The following LRCH2 variants were observed in gnomAD, a reference collection of about 807,000 sequenced individuals.
LRCH2 encodes the protein leucine rich repeats and calponin homology domain containing 2.
In LRCH2, 38 loss-of-function variants were observed where a neutral mutation model predicts 68.9. The observed-to-expected ratio is 0.55, with a 90% CI of 0.43 to 0.72. The LOEUF is 0.72. Among genes scored for constraint, LRCH2 ranks in the 30% least tolerant of loss-of-function variants. The pLI, the probability that LRCH2 is intolerant of heterozygous loss-of-function variation, is 0.00. For synonymous variants in LRCH2, 191 were observed against 208.1 expected (o/e 0.92, Z 0.71); for missense variants, 528 against 572.9 (o/e 0.92, Z 0.80).
intron 1 of LRCH2, among the ~76,000 whole-genome samples, chrX:115,228,193 T>C (rs1465332164): frequency 4.5e-5 from 5 of 111,805 alleles, no homozygotes; most frequent in African/African-American, 1.3e-4. Flanking sequence ...TAAATTGGCT[T>C]ATACAGTTTT....
At chrX:115,135,957 A>G (rs782514394) in intron 14 of LRCH2, among the ~76,000 whole-genome samples, 2 of 112,167 alleles carry the variant, frequency 1.8e-5, no homozygotes, top group South Asian at 3.7e-4. Flanking sequence ...TGTAAACATA[A>G]CTTTTATGCA....
At chrX:115,174,942 G>A (rs1360103441) in intron 5 of LRCH2, among the ~76,000 whole-genome samples, 2 of 110,715 alleles carry the variant, frequency 1.8e-5, no homozygotes, top group East Asian at 2.8e-4. Flanking sequence ...GGGATTAGGC[G>A]GTTGAAACTT....
intron 1 of LRCH2, among the ~76,000 whole-genome samples, chrX:115,189,181 C>T (rs1427111680): frequency 2.7e-5 from 3 of 112,422 alleles, no homozygotes; most frequent in African/African-American, 9.7e-5. Flanking sequence ...GATTATTTTC[C>T]TCTGGCTTAG....
chrX:115,212,398 T>C (rs1313730303), intron 1 of LRCH2, among the ~76,000 whole-genome samples: 2 of 112,524 alleles, frequency 1.8e-5, no homozygotes, highest in Admixed American at 1.9e-4. Flanking sequence ...ATCTTTATTT[T>C]ATTCAACATT....
intron 12 of LRCH2, among the ~76,000 whole-genome samples, chrX:115,150,413 A>G (rs962022156): frequency 4.5e-5 from 5 of 111,369 alleles, no homozygotes; most frequent in Admixed American, 1.9e-4. Flanking sequence ...CAAAGACTAA[A>G]AAAAACTAAT....
At chrX:115,200,340 A>C (rs2147342736) in intron 1 of LRCH2, among the ~76,000 whole-genome samples, 1 of 111,833 alleles carries the variant, frequency 8.9e-6, no homozygotes, top group East Asian at 2.8e-4. Context: ...TTAAAAAAAC[A>C]AAGAGTTGAT....
chrX:115,119,019 C>A (rs2072110858), intron 20 of LRCH2, among the ~76,000 whole-genome samples: 1 of 111,260 alleles, frequency 9.0e-6, no homozygotes. Flanking sequence ...GGACGTATCT[C>A]AAAATAATAA....
At chrX:115,123,905 T>C (rs186605357) in intron 17 of LRCH2, 40 bp downstream of exon 17, 13 of 870,279 alleles carry the variant, frequency 1.5e-5, no homozygotes, top group Non-Finnish European at 2.1e-5. Flanking sequence ...ACTAGTTTCA[T>C]ATATAACTAA....
Position 115,112,100 on chromosome X carries a change from A to C in LRCH2, c.*1116T>G, listed in dbSNP as rs1556522887. The C allele has an allele frequency of 8.9e-6, 1 of 111,837 alleles. No homozygotes were observed. Among genetic ancestry groups the C allele is most frequent in the African/African-American group, 3.2e-5 (1 of 30,872 alleles). 9.2% of individuals were successfully genotyped at this position (111,837 alleles called of 1,213,427 possible). A position where few individuals can be genotyped will look rare whatever the true frequency, so the allele number is the denominator to read the frequency against. On this transcript the variant is annotated 3_prime_UTR_variant, in exon 21 of 21. Coordinates refer to ENST00000317135, the MANE Select transcript of LRCH2 (RefSeq NM_020871.4). The stretch of plus-strand genomic sequence containing the variant: ...AAGAGTCTGTGTTTAATTTAACATC[A>C]AAGTAATTGAAGATCACAAGGTTTA...
At chrX:115,117,372 AAG>A (rs1356357769) in intron 20 of LRCH2, among the ~76,000 whole-genome samples, 1 of 111,828 alleles carries the variant, frequency 8.9e-6, no homozygotes, top group Admixed American at 9.5e-5. Context: ...ACCACTTTGG[AAG>A]AGTTATGTAG....
intron 1 of LRCH2, among the ~76,000 whole-genome samples, chrX:115,226,250 T>C (rs1326569845): frequency 9.0e-6 from 1 of 111,408 alleles, no homozygotes; most frequent in Non-Finnish European, 1.9e-5. Context: ...ACATAACAAT[T>C]TGGATGAATC....
chrX:115,142,194 T>G (rs1448363028), intron 14 of LRCH2, among the ~76,000 whole-genome samples: 1 of 111,858 alleles, frequency 8.9e-6, no homozygotes, highest in Non-Finnish European at 1.9e-5. Context: ...TCAAGAGAGA[T>G]AGATCTCAAT....
Position 115,233,857 on chromosome X carries a change from T to C in LRCH2, c.185A>G (p.Asn62Ser). 2.6e-6 allele frequency: 3 copies of C among 1,166,743 alleles called. No individual in the cohort carries two copies. Among genetic ancestry groups the C allele is most frequent in the South Asian group, 3.8e-5 (2 of 52,641 alleles). The change falls in exon 1 of 21, where the codon AAC becomes AGC. Residue 62 changes from asparagine (N) to serine (S), a missense_variant. Asn to Ser is a conservative substitution (Grantham distance 46). Coordinates refer to ENST00000317135, the MANE Select transcript of LRCH2 (RefSeq NM_020871.4). ...VPTLFGQPFP[N>S]GPPWNPGSLQ... ...GCTCCCCGGGTTCCACGGCGGCCCG[T>C]TGGGGAACGGCTGACCGAAAAGAGT...
chrX:115,233,771 C>T lies in LRCH2; in HGVS notation c.271G>A (p.Gly91Ser). Reference sequence around the variant, plus strand: ...TTCCGACCACTGAGGCTCAGGATGCCGGAGCTGCCCGCCTCTTCCAGGGCC... The same window carrying T: ...TTCCGACCACTGAGGCTCAGGATGCTGGAGCTGCCCGCCTCTTCCAGGGCC... The part of the protein sequence containing the change: ...DRALEEAGSS[G>S]ILSLSGRKLR... Residue 91 changes from glycine (G) to serine (S), a missense_variant, in exon 1 of 21, where the codon GGC becomes AGC. By Grantham distance (56) the Gly-to-Ser change is moderately conservative. Transcript: ENST00000317135. 8.5e-7 allele frequency: 1 copy of T among 1,176,482 alleles called. No homozygotes were observed. Among genetic ancestry groups the T allele is most frequent in the Non-Finnish European group, 1.1e-6 (1 of 877,092 alleles).
Position 115,126,821 on chromosome X carries a change from CAAAT to C in LRCH2, c.1791+18_1791+21del. The C allele has an allele frequency of 1.9e-6, 2 of 1,071,011 alleles. No homozygotes were observed. The highest frequency in any genetic ancestry group is 3.7e-5 in the East Asian group (1 of 27,093). 88.3% of individuals were successfully genotyped at this position (1,071,011 alleles called of 1,213,427 possible). On this transcript the variant is annotated intron_variant, in intron 16 of 20. Coordinates refer to ENST00000317135, the MANE Select transcript of LRCH2 (RefSeq NM_020871.4). ...AAACATACAAAACGTATTTTTAAGA[CAAAT>C]AAAAACAGAACTTGTACCTCAGATG...
In LRCH2 at chrX:115,156,657, G is replaced by T; in HGVS notation, c.1474C>A (p.His492Asn). The T allele has an allele frequency of 8.9e-7, 1 of 1,124,636 alleles. No individual in the cohort carries two copies. Among genetic ancestry groups the T allele is most frequent in the Non-Finnish European group, 1.2e-6 (1 of 846,674 alleles). The allele number at this position is 1,124,636 out of a possible 1,213,427, so 92.7% of individuals were successfully genotyped here. The change falls in exon 12 of 21, where the codon CAT (histidine) becomes AAT (asparagine). Residue 492 changes from histidine (H) to asparagine (N), a missense_variant. By Grantham distance (68) the His-to-Asn change is moderately conservative (BLOSUM62 1). Coordinates refer to ENST00000317135, the MANE Select transcript of LRCH2 (RefSeq NM_020871.4). Reference sequence around the variant, plus strand: ...TTGTTTCTCATCACAGAAGTTGAATGATTAAGAATCCTAGAAGTAAATCAA... The same window carrying T: ...TTGTTTCTCATCACAGAAGTTGAATTATTAAGAATCCTAGAAGTAAATCAA... ...QQEQKNRILN[H>N]STSVMRNKPK...
In LRCH2 at chrX:115,184,477, G is replaced by A. The variant is rs374679444; in HGVS notation, c.555C>T (p.Val185=). The A allele has an allele frequency of 7.6e-6, 9 of 1,185,205 alleles. No individual in the cohort carries two copies. The highest frequency in any genetic ancestry group is 2.4e-4 in the Middle Eastern group (1 of 4,253). ...YLFDLPLKVL[V]VSNNKLVSIP... ...TGGATACCAGTTTATTATTACTGAC[G>A]ACCAAAACTTTAAGGGGAAGATCAA... The change falls in exon 3 of 21, where the codon GTC becomes GTT. Residue 185 remains valine, a synonymous_variant. Transcript: ENST00000317135.
chrX:115,113,246 T>C lies in LRCH2; in HGVS notation c.2268A>G (p.Thr756=). 8.3e-7 allele frequency: 1 copy of C among 1,198,354 alleles called. No individual in the cohort carries two copies. Among genetic ancestry groups the C allele is most frequent in the South Asian group, 1.9e-5 (1 of 54,012 alleles). ...CCACAGAAAGCTGAGATGCCTTGGT[T>C]GTTGGTAATTCAAGGAGCGCCTGAA... ...VTVQALLELP[T]TKASQLSVA The change falls in exon 21 of 21, where the codon ACA becomes ACG. Residue 756 remains threonine (T), a synonymous_variant. Coordinates refer to ENST00000317135, the MANE Select transcript of LRCH2 (RefSeq NM_020871.4).
chrX:115,164,767 T>C (rs782545160), intron 10 of LRCH2, among the ~76,000 whole-genome samples: 10 of 110,854 alleles, frequency 9.0e-5, no homozygotes, highest in Non-Finnish European at 1.7e-4. Context: ...ATGAGAAACA[T>C]GGGAAAGCAC....
Sources: allele counts gnomAD v4.1 joint callset (sites outside exome capture counted in the v4.1 genomes callset), GRCh38; gene constraint gnomAD v4.1.1; transcripts MANE v1.5; gene names NCBI Gene and HGNC (gene_info 2026-07-23, HGNC 2026-07-21).